CWH43: variants seen among roughly 807,000 people sequenced by gnomAD.
CWH43 encodes cell wall biogenesis 43 C-terminal homolog.
A neutral mutation model predicts 85.7 loss-of-function variants in CWH43; 91 were observed. The ratio of observed to expected loss-of-function variants is 1.06; its 90% confidence interval spans 0.90 to 1.26. The LOEUF is 1.26. CWH43 is among the 50% of genes most tolerant of loss of function. The pLI, the probability that CWH43 is intolerant of heterozygous loss-of-function variation, is 0.00. For missense variants in CWH43, 869 were observed against 839.2 expected (o/e 1.04, Z -0.44); for synonymous variants, 323 against 293.6 (o/e 1.10, Z -1.02).
intron 15 of CWH43, among the ~76,000 whole-genome samples, chr4:49,057,689 T>C (rs1785010920): frequency 6.6e-6 from 1 of 152,236 alleles, no homozygotes; most frequent in Non-Finnish European, 1.5e-5. Flanking sequence ...TTTGAATGAT[T>C]TATCCATTGT....
At chr4:49,042,069 C>T (rs969830675) in intron 13 of CWH43, among the ~76,000 whole-genome samples, 3 of 152,138 alleles carry the variant, frequency 2.0e-5, no homozygotes, top group Non-Finnish European at 4.4e-5. Flanking sequence ...AAACAACAGC[C>T]GTCATCTATT....
At chr4:48,997,818 A>C (rs1472564168) in intron 5 of CWH43, among the ~76,000 whole-genome samples, 1 of 152,244 alleles carries the variant, frequency 6.6e-6, no homozygotes, top group Non-Finnish European at 1.5e-5. Context: ...ATCTTAAAAT[A>C]GTGCCTGGTA....
chr4:49,041,661 G>A (rs1403954215), intron 13 of CWH43, among the ~76,000 whole-genome samples: 1 of 152,112 alleles, frequency 6.6e-6, no homozygotes, highest in Non-Finnish European at 1.5e-5. Flanking sequence ...GTAAAAGTGT[G>A]GGCAGGTGAA....
At chr4:49,030,101 G>A (rs1031542960) in intron 10 of CWH43, among the ~76,000 whole-genome samples, 15 of 152,194 alleles carry the variant, frequency 9.9e-5, no homozygotes, top group African/African-American at 3.6e-4. Flanking sequence ...CCCTTCATGG[G>A]TCAGAGGGAG....
At chr4:49,054,918 GATAT>G (rs142608503) in intron 15 of CWH43, among the ~76,000 whole-genome samples, 3 of 147,770 alleles carry the variant, frequency 2.0e-5, no homozygotes, top group Non-Finnish European at 3.0e-5. Flanking sequence ...AGTTTTTAGG[GATAT>G]ATATATATAT....
At chr4:49,024,206 C>T (rs1418988747) in intron 9 of CWH43, among the ~76,000 whole-genome samples, 2 of 152,142 alleles carry the variant, frequency 1.3e-5, no homozygotes, top group African/African-American at 4.8e-5. Flanking sequence ...ATATCTTTTC[C>T]ACCCCTTTAC....
intron 6 of CWH43, among the ~76,000 whole-genome samples, chr4:49,000,703 T>A (rs998828876): frequency 1.4e-4 from 21 of 152,206 alleles, no homozygotes; most frequent in Admixed American, 1.4e-3. Flanking sequence ...AGAAATAGAC[T>A]GTTAGTTAAA....
rs774170991 is a variant in CWH43 at position 49,061,879 on chromosome 4, T to G, written c.2089T>G (p.Tyr697Asp). The stretch of plus-strand genomic sequence containing the variant: ...TCATTTTCATATGAATACTCCCAAA[T>G]ACTTTTTATGAAACATTTAAAACAA... ...NHHFHMNTPK[Y>D]FL is the part of the protein sequence containing the mutation. The change falls in exon 16 of 16, where the codon TAC (tyrosine) becomes GAC (aspartate). Residue 697 changes from tyrosine to aspartate, a missense_variant. By Grantham distance (160) the Tyr-to-Asp change is radical (BLOSUM62 -3). Transcript: ENST00000226432. The G allele has an allele frequency of 7.2e-7, 1 of 1,381,594 alleles. No individual in the cohort carries two copies. The highest frequency in any genetic ancestry group is 1.4e-5 in the South Asian group (1 of 69,436). 85.6% of individuals were successfully genotyped at this position (1,381,594 alleles called of 1,614,324 possible). A position where few individuals can be genotyped will look rare whatever the true frequency, so the allele number is the denominator to read the frequency against.
rs369991316 is a variant in CWH43 at position 49,032,638 on chromosome 4, C to T, written c.1581C>T (p.Ile527=). ...HHLLPSPEGE[I]APAITLTVNI... is the part of the protein sequence containing the mutation. Reference sequence around the variant, plus strand: ...TTCTTCCGTCACCAGAGGGCGAGATCGCACCAGCCATCACATTGACCGTTA... The same window carrying T: ...TTCTTCCGTCACCAGAGGGCGAGATTGCACCAGCCATCACATTGACCGTTA... Residue 527 remains isoleucine, a synonymous_variant, in exon 12 of 16, where the codon ATC becomes ATT. Coordinates refer to ENST00000226432, the MANE Select transcript of CWH43 (RefSeq NM_025087.3). 11 of 1,613,894 alleles carry T rather than the reference C, an allele frequency of 6.8e-6. No homozygotes were observed. The highest frequency in any genetic ancestry group is 5.5e-5 in the South Asian group (5 of 91,082).
chr4:48,999,621 T>G (rs1346517726), intron 6 of CWH43, among the ~76,000 whole-genome samples: 1 of 152,246 alleles, frequency 6.6e-6, no homozygotes, highest in Non-Finnish European at 1.5e-5. Context: ...CCATAAGTAA[T>G]TCTCATCAGT....
chr4:49,010,994 G>T (rs571799555), intron 8 of CWH43, among the ~76,000 whole-genome samples: 1 of 152,042 alleles, frequency 6.6e-6, no homozygotes, highest in South Asian at 2.1e-4. Context: ...TATTAGTTCC[G>T]CTTGGTGCAG....
intron 2 of CWH43, 97 bp from the exon 3 acceptor site, chr4:48,991,357 T>C: frequency 7.7e-7 from 1 of 1,299,084 alleles, no homozygotes; most frequent in Non-Finnish European, 1.1e-6. Context: ...TCTTCCTGAG[T>C]ATAAAGATGG....
rs1352301573 is a variant in CWH43, at chr4:48,991,991, A to G, written c.412A>G (p.Ile138Val). ...ACAGATTGTTCTTGTTGTTCTACGC[A>G]TATGGTATACTTCACTAAACCCAAT... ...LGQIVLVVLRIWYTSLNPIWS... is the reference protein window; with the variant it reads ...LGQIVLVVLRVWYTSLNPIWS... The change falls in exon 4 of 16, where the codon ATA (isoleucine) becomes GTA (valine). Residue 138 changes from isoleucine to valine, a missense_variant. Coordinates refer to ENST00000226432, the MANE Select transcript of CWH43 (RefSeq NM_025087.3). 8.1e-6 allele frequency: 13 copies of G among 1,613,908 alleles called. No homozygotes were observed. Among genetic ancestry groups the G allele is most frequent in the Non-Finnish European group, 1.1e-5 (13 of 1,179,826 alleles).
intron 8 of CWH43, among the ~76,000 whole-genome samples, chr4:49,015,472 A>G (rs1029539567): frequency 6.6e-6 from 1 of 151,214 alleles, no homozygotes; most frequent in Non-Finnish European, 1.5e-5. Context: ...AGCTCTTAAG[A>G]TTTTTCTGTG....
chr4:49,017,415 G>T, intron 9 of CWH43, 87 bp downstream of exon 9: 1 of 945,842 alleles, frequency 1.1e-6, no homozygotes, highest in Non-Finnish European at 1.6e-6. Flanking sequence ...GATTGAACCT[G>T]GATCTGATGA....
At chr4:49,060,699 A>T (rs1577721867) in intron 15 of CWH43, among the ~76,000 whole-genome samples, 1 of 152,260 alleles carries the variant, frequency 6.6e-6, no homozygotes, top group East Asian at 1.9e-4. Flanking sequence ...ATACATTCAA[A>T]TGCTATAATC....
intron 7 of CWH43, 136 bp from the exon 8 acceptor site, chr4:49,007,065 A>C: frequency 1.0e-6 from 1 of 975,164 alleles, no homozygotes; most frequent in Non-Finnish European, 1.4e-6. Context: ...GTAATTGTTT[A>C]GGTTCTGAGA....
At position 49,006,200 on chromosome 4, in the gene CWH43, A is replaced by G. The variant is rs141948098; in HGVS notation, c.1061-1001A>G. Among the ~76,000 whole-genome samples the G allele has an allele frequency of 1.4e-3, 208 of 152,296 alleles. 1 individual carries two copies. The highest frequency in any genetic ancestry group is 4.7e-3 in the African/African-American group (197 of 41,568). ...ATCTGCCATGAGAAAAAAACAAATGAAAGTAAGAGCTATTCCATGCATGAG... is the reference window on the plus strand; with the variant it reads ...ATCTGCCATGAGAAAAAAACAAATGGAAGTAAGAGCTATTCCATGCATGAG... On this transcript the variant is annotated intron_variant, in intron 7 of 15. Transcript: ENST00000226432.
rs527952259 is a variant in CWH43, at chr4:49,022,385, C to G, written c.1266+5057C>G. 3.9e-5 allele frequency among the ~76,000 whole-genome samples: 6 copies of G among 152,268 alleles called. No homozygotes were observed. In the South Asian group the frequency reaches 1.2e-3, roughly 32 times the overall value. The stretch of plus-strand genomic sequence containing the variant: ...TACTGATGTTAAACCATCCCTGCAT[C>G]CCTGATATGAAACCCACTTGATCAT... On this transcript the variant is annotated intron_variant, in intron 9 of 15. Transcript: ENST00000226432.
Sources: gnomAD v4.1 joint callset for allele counts (sites outside exome capture counted in the v4.1 genomes callset) on GRCh38, gnomAD v4.1.1 for gene constraint, MANE v1.5 for transcripts, NCBI Gene and HGNC (gene_info 2026-07-23, HGNC 2026-07-21) for gene names.